SPRED2: variants seen among roughly 807,000 people sequenced by gnomAD.
The protein encoded by SPRED2 is sprouty-related, EVH1 domain-containing protein 2.
In SPRED2, 47 loss-of-function variants were observed where a neutral mutation model predicts 43.0. The observed-to-expected ratio is 1.09, with a 90% CI of 0.87 to 1.40. SPRED2 has a LOEUF of 1.40. SPRED2 is among the 40% of genes most tolerant of loss of function. The pLI is 0.00. For synonymous variants in SPRED2, 225 were observed against 225.7 expected (o/e 1.00, Z 0.03); for missense variants, 561 against 586.4 (o/e 0.96, Z 0.45).
intron 2 of SPRED2, among the ~76,000 whole-genome samples, chr2:65,342,147 A>ATATGCATATTTTATATACATATATTATG (rs1558659915): frequency 3.4e-4 from 50 of 149,070 alleles, no homozygotes; most frequent in African/African-American, 1.2e-3. Flanking sequence ...ATAAGATTTT[A>ATATGCATATTTTATATACATATATTATG]TATGTATATT....
At chr2:65,393,758 G>C (rs1675692676) in intron 1 of SPRED2, among the ~76,000 whole-genome samples, 1 of 152,290 alleles carries the variant, frequency 6.6e-6, no homozygotes, top group East Asian at 1.9e-4. Context: ...ACTATCTCAA[G>C]TATTCCCTCA....
intron 1 of SPRED2, among the ~76,000 whole-genome samples, chr2:65,364,267 C>T (rs1277146378): frequency 6.6e-6 from 1 of 152,156 alleles, no homozygotes; most frequent in Admixed American, 6.5e-5. Flanking sequence ...CCCACTAGGG[C>T]GGGAATTAAG....
intron 2 of SPRED2, among the ~76,000 whole-genome samples, chr2:65,339,733 TA>T (rs35323811): frequency 0.25 from 32,479 of 130,184 alleles, 4,081 homozygotes; most frequent in African/African-American, 0.38. Context: ...AAAAAAATCC[TA>T]AAAAAAAAAA....
chr2:65,409,180 G>A (rs1406315466), intron 1 of SPRED2, among the ~76,000 whole-genome samples: 1 of 152,130 alleles, frequency 6.6e-6, no homozygotes, highest in Non-Finnish European at 1.5e-5. Flanking sequence ...AGCAGCAAAG[G>A]GAAATTCACA....
intron 1 of SPRED2, among the ~76,000 whole-genome samples, chr2:65,370,007 A>G (rs538183414): frequency 2.0e-5 from 3 of 152,370 alleles, no homozygotes; most frequent in South Asian, 2.1e-4. Flanking sequence ...ATATGTATAT[A>G]ACTTAAGTCC....
At chr2:65,338,422 C>A (rs964067370) in intron 2 of SPRED2, among the ~76,000 whole-genome samples, 13 of 151,350 alleles carry the variant, frequency 8.6e-5, no homozygotes, top group African/African-American at 2.9e-4. Context: ...CTCAGCCTGC[C>A]GAGTGCCTGC....
chr2:65,381,718 A>G (rs1468659647), intron 1 of SPRED2, among the ~76,000 whole-genome samples: 1 of 152,208 alleles, frequency 6.6e-6, no homozygotes, highest in Non-Finnish European at 1.5e-5. Flanking sequence ...AGAAGCCCTC[A>G]GCCCCGGTCC....
chr2:65,369,948 C>T (rs1675084747), intron 1 of SPRED2, among the ~76,000 whole-genome samples: 1 of 152,240 alleles, frequency 6.6e-6, no homozygotes, highest in South Asian at 2.1e-4. Context: ...TGATCCTCGG[C>T]AGGTAAGAAG....
At chr2:65,319,001 A>C (rs1673327546) in intron 4 of SPRED2, among the ~76,000 whole-genome samples, 1 of 152,218 alleles carries the variant, frequency 6.6e-6, no homozygotes, top group Admixed American at 6.5e-5. Context: ...TTTAGGGACA[A>C]GGGCAAAACA....
intron 1 of SPRED2, among the ~76,000 whole-genome samples, chr2:65,400,883 G>T (rs964153876): frequency 6.6e-6 from 1 of 152,112 alleles, no homozygotes; most frequent in Non-Finnish European, 1.5e-5. Context: ...TCACACGCTG[G>T]CCTTCCATCT....
intron 3 of SPRED2, among the ~76,000 whole-genome samples, chr2:65,333,846 A>G (rs1040391966): frequency 2.0e-5 from 3 of 152,148 alleles, no homozygotes; most frequent in African/African-American, 4.8e-5. Context: ...GAACACTTTT[A>G]TTTCTTAAGC....
intron 4 of SPRED2, among the ~76,000 whole-genome samples, chr2:65,325,450 A>T (rs533453294): frequency 6.6e-6 from 1 of 152,370 alleles, no homozygotes; most frequent in Admixed American, 6.5e-5. Context: ...ATTTCAGGCC[A>T]GGCCAGATAT....
chr2:65,387,144 T>C (rs1232728402), intron 1 of SPRED2, among the ~76,000 whole-genome samples: 2 of 152,250 alleles, frequency 1.3e-5, no homozygotes, highest in Admixed American at 6.5e-5. Flanking sequence ...AAATGCCTTG[T>C]GCAGTGTGGG....
intron 1 of SPRED2, among the ~76,000 whole-genome samples, chr2:65,420,856 G>C (rs534698832): frequency 4.3e-4 from 65 of 152,308 alleles, no homozygotes; most frequent in Middle Eastern, 3.4e-3. Flanking sequence ...AAATCCCCAA[G>C]CAGTCACATT....
Position 65,313,475 on chromosome 2 carries a change from T to G in SPRED2, c.*26A>C. On this transcript the variant is annotated 3_prime_UTR_variant, in exon 6 of 6. Transcript: ENST00000356388. ...AGACGAGTTCCCCTGTGGCTGCGGA[T>G]GGAGGGAGAAGGGAGGGAAACTGAG... The G allele has an allele frequency of 6.4e-7, 1 of 1,573,546 alleles. No homozygotes were observed. Among genetic ancestry groups the G allele is most frequent in the African/African-American group, 1.4e-5 (1 of 73,886 alleles).
At chr2:65,430,160 A>T (rs1348270242) in intron 1 of SPRED2, among the ~76,000 whole-genome samples, 1 of 152,262 alleles carries the variant, frequency 6.6e-6, no homozygotes, top group Admixed American at 6.5e-5. Context: ...CACGTTCAAA[A>T]GGCAGCAAGG....
In SPRED2 at chr2:65,312,610, T is replaced by C. The variant is rs1673100459; in HGVS notation, c.*891A>G. On this transcript the variant is annotated 3_prime_UTR_variant, in exon 6 of 6. Transcript: ENST00000356388. Reference sequence around the variant, plus strand: ...CTTCACTAGTATCCTATTCTAATATTGCTAAATTTTTAGAAGTGGTGGCAA... The same window carrying C: ...CTTCACTAGTATCCTATTCTAATATCGCTAAATTTTTAGAAGTGGTGGCAA... 1.0e-6 allele frequency: 1 copy of C among 985,712 alleles called. No homozygotes were observed. Among genetic ancestry groups the C allele is most frequent in the South Asian group, 4.7e-5 (1 of 21,288 alleles). 61.1% of individuals were successfully genotyped at this position (985,712 alleles called of 1,614,324 possible).
In SPRED2 at chr2:65,432,091, T is replaced by C. The variant is rs1668876980; in HGVS notation, c.-104A>G. 6.8e-7 allele frequency: 1 copy of C among 1,470,044 alleles called. No individual in the cohort carries two copies. The highest frequency in any genetic ancestry group is 1.8e-5 in the Admixed American group (1 of 56,216). 91.1% of individuals were successfully genotyped at this position (1,470,044 alleles called of 1,614,324 possible). Reference sequence around the variant, plus strand: ...TCACATCTCCGGAGATCGCCTGATTTGGGGAGGGGGGGCGGCTAGAGATGA... The same window carrying C: ...TCACATCTCCGGAGATCGCCTGATTCGGGGAGGGGGGGCGGCTAGAGATGA... On this transcript the variant is annotated 5_prime_UTR_variant, in exon 1 of 6. Coordinates refer to ENST00000356388, the MANE Select transcript of SPRED2 (RefSeq NM_181784.3).
chr2:65,372,798 C>T (rs1403647325), intron 1 of SPRED2, among the ~76,000 whole-genome samples: 3 of 152,178 alleles, frequency 2.0e-5, no homozygotes, highest in Non-Finnish European at 2.9e-5. Flanking sequence ...GATCATTAAC[C>T]GGACTAAGCA....
Sources: allele counts gnomAD v4.1 joint callset (sites outside exome capture counted in the v4.1 genomes callset), GRCh38; gene constraint gnomAD v4.1.1; transcripts MANE v1.5; gene names NCBI Gene and HGNC (gene_info 2026-07-23, HGNC 2026-07-21).